The following CNTLN variants were observed in gnomAD, a reference collection of about 807,000 sequenced individuals.
CNTLN encodes the protein centlein, centrosomal protein.
CNTLN carries 212 observed loss-of-function variants against 180.0 expected under a neutral mutation model. The ratio of observed to expected loss-of-function variants is 1.18; its 90% CI spans 1.05 to 1.32. The LOEUF is 1.32. CNTLN is among the 40% of genes most tolerant of loss of function. The pLI is 0.00. For missense variants in CNTLN, 2,095 were observed against 1,610.9 expected, an observed-to-expected ratio of 1.30 and a Z score of -5.14; for synonymous variants, 722 against 563.1, an observed-to-expected ratio of 1.28 and a Z score of -3.99.
chr9:17,457,760 A>C, intron 19 of CNTLN, 45 bp downstream of exon 19: 1 of 1,187,458 alleles, frequency 8.4e-7, no homozygotes, highest in East Asian at 2.9e-5. Flanking sequence ...ATTATGCTTG[A>C]ATCCTGCAAG....
chr9:17,477,307 A>G (rs144658767), intron 23 of CNTLN, among the ~76,000 whole-genome samples: 1,967 of 152,334 alleles, frequency 0.013, 14 homozygotes, highest in Non-Finnish European at 0.02. Flanking sequence ...TATAGTATCC[A>G]TTCTTCAGCT....
chr9:17,196,177 C>T (rs937789500), intron 2 of CNTLN, among the ~76,000 whole-genome samples: 1 of 152,084 alleles, frequency 6.6e-6, no homozygotes, highest in Non-Finnish European at 1.5e-5. Context: ...GCGCCTGCCA[C>T]CACACCTGGC....
chr9:17,522,333 A>C, the CNTLN span, among the ~76,000 whole-genome samples: 1 of 152,144 alleles, frequency 6.6e-6, no homozygotes, highest in Non-Finnish European at 1.5e-5. Flanking sequence ...TTCATTCCTC[A>C]AACAGCCCTA....
Position 17,143,723 on chromosome 9 carries a change from A to G in CNTLN, c.449+347A>G, listed in dbSNP as rs533895320. Among the ~76,000 whole-genome samples the G allele has an allele frequency of 5.3e-5, 8 of 152,316 alleles. No individual in the cohort carries two copies. The South Asian group carries it at 1.2e-3, about 24-fold the overall frequency. ...ACTTTTTACTCCATGGACTGCCTCT[A>G]TAGGGAACTTACTAGACGTGACTCA... On this transcript the variant is annotated intron_variant, in intron 2 of 25. Transcript: ENST00000380647.
At chr9:17,327,953 CAAAAA>C (rs1040529323) in intron 8 of CNTLN, among the ~76,000 whole-genome samples, 1 of 148,792 alleles carries the variant, frequency 6.7e-6, no homozygotes, top group African/African-American at 2.5e-5. Context: ...AACTCCGTCT[CAAAAA>C]AGAAAAAAAA....
At chr9:17,312,887 T>G (rs1313015112) in intron 8 of CNTLN, among the ~76,000 whole-genome samples, 1 of 152,158 alleles carries the variant, frequency 6.6e-6, no homozygotes, top group African/African-American at 2.4e-5. Flanking sequence ...TGATTGTGTT[T>G]AGTTTTTCTA....
downstream of CNTLN, among the ~76,000 whole-genome samples, chr9:17,505,280 A>G (rs373815196): frequency 1.3e-5 from 2 of 152,100 alleles, no homozygotes; most frequent in African/African-American, 4.8e-5. Context: ...AAAGATTTCA[A>G]CTCTCACCAC....
the CNTLN span, among the ~76,000 whole-genome samples, chr9:17,517,309 G>A: frequency 2.6e-5 from 4 of 151,460 alleles, no homozygotes; most frequent in East Asian, 3.9e-4. Context: ...GGAGAATGGC[G>A]TGAACCCAGG....
At chr9:17,259,666 C>G (rs1395923348) in intron 5 of CNTLN, among the ~76,000 whole-genome samples, 3 of 150,988 alleles carry the variant, frequency 2.0e-5, no homozygotes, top group Admixed American at 1.3e-4. Context: ...TGTTATTGGT[C>G]TATTCAGAGA....
At chr9:17,301,994 A>G (rs1587580243) in intron 7 of CNTLN, 15 of 978,102 alleles carry the variant, frequency 1.5e-5, no homozygotes, top group Non-Finnish European at 1.6e-5. Flanking sequence ...TATATATGTT[A>G]TTTGTTTTAC....
At chr9:17,408,902 G>A (rs911784276) in intron 15 of CNTLN, among the ~76,000 whole-genome samples, 6 of 151,974 alleles carry the variant, frequency 3.9e-5, no homozygotes, top group Non-Finnish European at 8.8e-5. Flanking sequence ...GTGGGTGAAA[G>A]CTTCAGAGAT....
At chr9:17,498,433 T>A (rs950884777) in intron 25 of CNTLN, among the ~76,000 whole-genome samples, 1 of 152,168 alleles carries the variant, frequency 6.6e-6, no homozygotes, top group Non-Finnish European at 1.5e-5. Context: ...GGTATTTATA[T>A]GTCAGAGAAG....
intron 13 of CNTLN, among the ~76,000 whole-genome samples, chr9:17,371,483 A>G (rs1227495136): frequency 6.6e-6 from 1 of 152,194 alleles, no homozygotes; most frequent in Non-Finnish European, 1.5e-5. Flanking sequence ...ATATTATTAG[A>G]GCTAAAGAGA....
At position 17,394,865 on chromosome 9, in the gene CNTLN, G is replaced by T; in HGVS notation, c.2411G>T (p.Arg804Ile). The change falls in exon 15 of 26, where the codon AGA (arginine) becomes ATA (isoleucine). Residue 804 changes from arginine (R) to isoleucine (I), a missense_variant. Coordinates refer to ENST00000380647, the MANE Select transcript of CNTLN (RefSeq NM_017738.4). The stretch of plus-strand genomic sequence containing the variant: ...GAGAAATCACACCAGTCAGCAGACA[G>T]AGCTAAATCCGAGATGGCCACCATG... ...PMEKSHQSAD[R>I]AKSEMATMKV... is the part of the protein sequence containing the mutation. 1.2e-6 allele frequency: 2 copies of T among 1,614,048 alleles called. No individual in the cohort carries two copies. The highest frequency in any genetic ancestry group is 2.2e-5 in the South Asian group (2 of 91,080).
intron 12 of CNTLN, among the ~76,000 whole-genome samples, chr9:17,354,633 A>G (rs1325245996): frequency 6.6e-6 from 1 of 151,962 alleles, no homozygotes; most frequent in African/African-American, 2.4e-5. Context: ...GACGTGGAGA[A>G]CCTTTGTATC....
At chr9:17,365,724 C>G (rs987077751) in intron 12 of CNTLN, among the ~76,000 whole-genome samples, 37 of 152,022 alleles carry the variant, frequency 2.4e-4, no homozygotes, top group African/African-American at 8.7e-4. Context: ...TTTTGGGAGG[C>G]CAAGATGAGT....
chr9:17,231,780 A>G (rs945169638), intron 3 of CNTLN, among the ~76,000 whole-genome samples: 1 of 134,108 alleles, frequency 7.5e-6, no homozygotes, highest in Non-Finnish European at 1.5e-5. Context: ...GTATTGCCTA[A>G]TAGAGTTTGG....
At chr9:17,185,271 A>G (rs866200038) in intron 2 of CNTLN, among the ~76,000 whole-genome samples, 2 of 152,352 alleles carry the variant, frequency 1.3e-5, no homozygotes, top group African/African-American at 2.4e-5. Context: ...TGTCTAAAAC[A>G]TGAGTAAATC....
At chr9:17,187,243 T>A (rs561167172) in intron 2 of CNTLN, among the ~76,000 whole-genome samples, 52 of 152,230 alleles carry the variant, frequency 3.4e-4, no homozygotes, top group African/African-American at 1.2e-3. Flanking sequence ...CTTTATCTAC[T>A]TTCTGTGTTA....
Sources: gnomAD v4.1 joint callset for allele counts (sites outside exome capture counted in the v4.1 genomes callset) on GRCh38, gnomAD v4.1.1 for gene constraint, MANE v1.5 for transcripts, NCBI Gene and HGNC (gene_info 2026-07-23, HGNC 2026-07-21) for gene names.